DMXL2: variants seen among roughly 807,000 people sequenced by gnomAD.
The protein encoded by DMXL2 is Dmx like 2, also known as dmX-like protein 2.
A neutral mutation model predicts 331.1 loss-of-function variants in DMXL2; 103 were observed. The observed-to-expected ratio is 0.31, with a 90% CI of 0.27 to 0.37. The LOEUF (loss-of-function observed/expected upper bound fraction) is 0.37, where lower values mean the gene tolerates loss of function less well. Among genes scored for constraint, DMXL2 ranks in the 10% least tolerant of loss-of-function variants. The pLI is 1.00. For missense variants in DMXL2, 3,171 were observed against 3,642.9 expected, an observed-to-expected ratio of 0.87 and a Z score of 3.33; for synonymous variants, 1,281 against 1,252.1, an observed-to-expected ratio of 1.02 and a Z score of -0.49.
At chr15:51,462,621 G>A (rs951247203) in intron 33 of DMXL2, among the ~76,000 whole-genome samples, 2 of 152,116 alleles carry the variant, frequency 1.3e-5, no homozygotes, top group Non-Finnish European at 2.9e-5. Flanking sequence ...ACAGGTGTGA[G>A]CCACCGTGCC....
At chr15:51,517,239 G>C (rs1200533369) in intron 13 of DMXL2, 72 bp from the exon 14 acceptor site, 4 of 1,058,024 alleles carry the variant, frequency 3.8e-6, no homozygotes. Context: ...ACAGCATCTT[G>C]GACATTTAAG....
chr15:51,475,737 G>C (rs1567000136), intron 27 of DMXL2, among the ~76,000 whole-genome samples: 10 of 152,140 alleles, frequency 6.6e-5, no homozygotes. Context: ...AAAAAGGTCT[G>C]TAGATTAGAG....
At chr15:51,547,093 T>C in intron 7 of DMXL2, 137 bp downstream of exon 7, 1 of 728,336 alleles carries the variant, frequency 1.4e-6, no homozygotes, top group African/African-American at 1.8e-5. Flanking sequence ...AAGCTAATAG[T>C]AGGATTTGAT....
intron 18 of DMXL2, among the ~76,000 whole-genome samples, chr15:51,496,401 G>A (rs569556118): frequency 2.0e-5 from 3 of 152,164 alleles, no homozygotes; most frequent in Non-Finnish European, 2.9e-5. Context: ...TCTCCAATAA[G>A]ATGACATGCC....
At chr15:51,491,830 T>C in intron 19 of DMXL2, 83 bp from the exon 20 acceptor site, 4 of 1,177,102 alleles carry the variant, frequency 3.4e-6, no homozygotes, top group Non-Finnish European at 4.7e-6. Context: ...CACATACGCA[T>C]TCATTTTGGA....
In DMXL2 at chr15:51,622,541, T is replaced by C. The variant is rs753610357; in HGVS notation, c.5A>G (p.His2Arg). 17 of 1,555,042 alleles carry C rather than the reference T, an allele frequency of 1.1e-5. No homozygotes were observed. The South Asian group carries it at 1.9e-4, about 17-fold the overall frequency. The change falls in exon 1 of 44, where the codon CAT becomes CGT. Residue 2 changes from histidine (H) to arginine (R), a missense_variant. By Grantham distance (29) the His-to-Arg change is conservative. Around this residue, in one of 7 missense-constraint regions of DMXL2, gnomAD observed 1,674 missense variants for 1,780.2 expected, o/e 0.94. Transcript: ENST00000560891. M[H>R]LHQVLTGAVN... Reference sequence around the variant, plus strand: ...AGCTCCGGTGAGGACCTGATGCAGATGCATCTCCGGAGCCCGGGCTGGACA... The same window carrying C: ...AGCTCCGGTGAGGACCTGATGCAGACGCATCTCCGGAGCCCGGGCTGGACA...
At chr15:51,530,178 G>A (rs1028889884) in intron 13 of DMXL2, among the ~76,000 whole-genome samples, 5 of 152,058 alleles carry the variant, frequency 3.3e-5, no homozygotes, top group African/African-American at 1.2e-4. Context: ...AACACAATAA[G>A]GATGCTCACT....
At chr15:51,570,777 T>A (rs1254356973) in intron 2 of DMXL2, among the ~76,000 whole-genome samples, 1 of 151,732 alleles carries the variant, frequency 6.6e-6, no homozygotes, top group African/African-American at 2.4e-5. Context: ...CCTTCCTTAG[T>A]GAAGGAAGCA....
chr15:51,452,947 T>A (rs974588465), intron 41 of DMXL2, among the ~76,000 whole-genome samples: 22 of 152,202 alleles, frequency 1.4e-4, no homozygotes, highest in African/African-American at 4.1e-4. Flanking sequence ...GCAACCCAGA[T>A]GGAGTTAGAG....
rs977329799 is a variant in DMXL2 at position 51,503,018 on chromosome 15, C to T, written c.2780G>A (p.Gly927Glu). The change falls in exon 17 of 44, where the codon GGG becomes GAG. Residue 927 changes from glycine to glutamate, a missense_variant. Physicochemically the swap from Gly to Glu is moderately conservative, Grantham distance 98 (BLOSUM62 -2). Coordinates refer to ENST00000560891, the MANE Select transcript of DMXL2 (RefSeq NM_001378457.1). ...VQACLAKASE[G>E]ASSESLLSVP... ...TGAAAGTAGACTCTCAGAGGAAGCC[C>T]CTTCTGAAGCTTTAGCTTTAAAAAT... The T allele has an allele frequency of 6.2e-7, 1 of 1,608,972 alleles. No homozygotes were observed. Among genetic ancestry groups the T allele is most frequent in the African/African-American group, 1.3e-5 (1 of 74,836 alleles).
chr15:51,468,943 G>C (rs1455398443), intron 29 of DMXL2, among the ~76,000 whole-genome samples: 1 of 151,596 alleles, frequency 6.6e-6, no homozygotes, highest in East Asian at 1.9e-4. Flanking sequence ...GAAAAAGGTG[G>C]GAGTTAAGTT....
rs761023653 is a variant in DMXL2, at chr15:51,471,310, G to C, written c.7305C>G (p.Thr2435=). Residue 2435 remains threonine (T), a synonymous_variant, in exon 29 of 44, where the codon ACC becomes ACG. Transcript: ENST00000560891. Reference sequence around the variant, plus strand: ...GTCTTTCTGCAGGCACCGGTGGTGGGGTAGCATCTTTTACAGGCCTTCCAG... The same window carrying C: ...GTCTTTCTGCAGGCACCGGTGGTGGCGTAGCATCTTTTACAGGCCTTCCAG... ...LVPGRPVKDA[T]PPPVPAERPS... is the part of the protein sequence containing the mutation. 1.4e-5 allele frequency: 22 copies of C among 1,613,872 alleles called. No homozygotes were observed. In the South Asian group the frequency reaches 2.2e-4, roughly 16 times the overall value.
chr15:51,460,153 A>G, intron 33 of DMXL2: 1 of 983,272 alleles, frequency 1.0e-6, no homozygotes, highest in Non-Finnish European at 1.2e-6. Flanking sequence ...AAAATCAGGC[A>G]CGGAAAAAGA....
chr15:51,455,967 A>G (rs1486707772), intron 39 of DMXL2, 99 bp downstream of exon 39: 45 of 1,388,008 alleles, frequency 3.2e-5, no homozygotes, highest in Non-Finnish European at 4.1e-5. Context: ...GTTTAAATCC[A>G]GGGTCACTGA....
chr15:51,612,630 C>T (rs2054049447), intron 1 of DMXL2, among the ~76,000 whole-genome samples: 1 of 152,134 alleles, frequency 6.6e-6, no homozygotes, highest in Non-Finnish European at 1.5e-5. Context: ...AGATCATATG[C>T]TTCACAAGGT....
rs77557886 is a variant in DMXL2, at chr15:51,450,368, G to C, written c.8750-22C>G. ...AAACCTGAAGAAGAAAAACATCAGAGAATTTCTCAAAACAATTTCTTGTCT... is the reference window on the plus strand; with the variant it reads ...AAACCTGAAGAAGAAAAACATCAGACAATTTCTCAAAACAATTTCTTGTCT... On this transcript the variant is annotated intron_variant, in intron 42 of 43. Coordinates refer to ENST00000560891, the MANE Select transcript of DMXL2 (RefSeq NM_001378457.1). 7.1e-3 allele frequency: 11,465 copies of C among 1,610,262 alleles called. 67 individuals carry two copies. Among genetic ancestry groups the C allele is most frequent in the Non-Finnish European group, 8.5e-3 (10,059 of 1,176,854 alleles).
chr15:51,475,616 G>C (rs552532011), intron 27 of DMXL2, among the ~76,000 whole-genome samples: 1 of 152,234 alleles, frequency 6.6e-6, no homozygotes, highest in South Asian at 2.1e-4. Flanking sequence ...AGTTGTGAAA[G>C]AGAAAGAAGG....
chr15:51,500,045 T>A lies in DMXL2; in HGVS notation c.3179A>T (p.Asp1060Val). Residue 1060 changes from aspartate to valine, a missense_variant, in exon 18 of 44, where the codon GAT becomes GTT. By Grantham distance (152) the Asp-to-Val change is radical (BLOSUM62 -3). Transcript: ENST00000560891. ...CACAATGCTCACTGTACTGCTATTATCTTCTCCTTCATCATTCATCAAAGG... is the reference window on the plus strand; with the variant it reads ...CACAATGCTCACTGTACTGCTATTAACTTCTCCTTCATCATTCATCAAAGG... ...RWPLMNDEGE[D>V]NSSTVSIVGR... The A allele has an allele frequency of 6.2e-7, 1 of 1,614,178 alleles. No individual in the cohort carries two copies. Among genetic ancestry groups the A allele is most frequent in the Non-Finnish European group, 8.5e-7 (1 of 1,180,020 alleles).
chr15:51,491,827 G>A (rs2042823787), intron 19 of DMXL2, 80 bp from the exon 20 acceptor site: 21 of 1,210,740 alleles, frequency 1.7e-5, no homozygotes, highest in Middle Eastern at 2.0e-4. Flanking sequence ...AGTCACATAC[G>A]CATTCATTTT....
Sources: gnomAD v4.1 joint callset for allele counts (sites outside exome capture counted in the v4.1 genomes callset) on GRCh38, gnomAD v4.1.1 for gene constraint, gnomAD v4.1.1 regional missense constraint, MANE v1.5 for transcripts, NCBI Gene and HGNC (gene_info 2026-07-23, HGNC 2026-07-21) for gene names.